Variants in ANKIB1 observed in about 807,000 individuals in gnomAD.
The protein encoded by ANKIB1 is ankyrin repeat and IBR domain-containing protein 1.
Under a neutral mutation model 122.1 loss-of-function variants are expected in ANKIB1, and 43 were observed. The ratio of observed to expected loss-of-function variants is 0.35; its 90% CI spans 0.28 to 0.45. ANKIB1 has a LOEUF of 0.45. Ranked by LOEUF, ANKIB1 falls within the 20% of genes least tolerant of loss-of-function variation. The probability of loss-of-function intolerance (pLI) is 1.00; values close to 1 mark genes in which losing one functional copy is unlikely to be tolerated. For missense variants in ANKIB1, 992 were observed against 1,329.5 expected, an observed-to-expected ratio of 0.75 and a Z score of 3.95; for synonymous variants, 390 against 442.0, an observed-to-expected ratio of 0.88 and a Z score of 1.48.
intron 4 of ANKIB1, chr7:92,325,892 TTTTAA>T: frequency 2.3e-6 from 1 of 436,560 alleles, no homozygotes; most frequent in Non-Finnish European, 4.6e-6. Context: ...TCACGTTTCT[TTTTAA>T]TTTAGTTTTC....
At chr7:92,262,795 A>T (rs1176956782) in intron 1 of ANKIB1, among the ~76,000 whole-genome samples, 1 of 152,136 alleles carries the variant, frequency 6.6e-6, no homozygotes, top group African/African-American at 2.4e-5. Flanking sequence ...TTAGAAACAG[A>T]TACAGCTGTG....
At chr7:92,264,894 G>A (rs1022606426) in intron 1 of ANKIB1, among the ~76,000 whole-genome samples, 1 of 152,162 alleles carries the variant, frequency 6.6e-6, no homozygotes, top group Non-Finnish European at 1.5e-5. Flanking sequence ...GGGATACATA[G>A]ATTCAGTGAT....
intron 9 of ANKIB1, among the ~76,000 whole-genome samples, chr7:92,356,457 TTGGCA>T (rs1407159090): frequency 2.0e-5 from 3 of 152,180 alleles, no homozygotes; most frequent in African/African-American, 7.2e-5. Context: ...TACTACTTAT[TTGGCA>T]GTTCAATCAT....
intron 1 of ANKIB1, among the ~76,000 whole-genome samples, chr7:92,258,257 A>G (rs1801488342): frequency 6.6e-6 from 1 of 152,218 alleles, no homozygotes; most frequent in Non-Finnish European, 1.5e-5. Context: ...GCAAGAGAAA[A>G]TGAAAAATAA....
At chr7:92,360,036 G>A (rs1803908326) in intron 9 of ANKIB1, among the ~76,000 whole-genome samples, 1 of 152,132 alleles carries the variant, frequency 6.6e-6, no homozygotes, top group South Asian at 2.1e-4. Context: ...AGTCAGGAGT[G>A]TAAGGAAAGT....
intron 3 of ANKIB1, among the ~76,000 whole-genome samples, chr7:92,314,394 T>G (rs150677645): frequency 6.6e-6 from 1 of 152,282 alleles, no homozygotes; most frequent in East Asian, 1.9e-4. Context: ...ACAATAGATT[T>G]GAATGGGGTA....
intron 4 of ANKIB1, among the ~76,000 whole-genome samples, chr7:92,326,356 G>A (rs1212512169): frequency 6.6e-6 from 1 of 152,044 alleles, no homozygotes; most frequent in African/African-American, 2.4e-5. Context: ...TCATTCTCTC[G>A]ATAACACTAA....
chr7:92,394,551 A>G (rs1804847846), intron 17 of ANKIB1, among the ~76,000 whole-genome samples: 1 of 152,222 alleles, frequency 6.6e-6, no homozygotes. Context: ...ATGGTCAGTA[A>G]TAGTTTAATT....
intron 16 of ANKIB1, 54 bp from the exon 17 acceptor site, chr7:92,392,187 A>G (rs1804800099): frequency 2.7e-6 from 4 of 1,479,556 alleles, no homozygotes; most frequent in Non-Finnish European, 3.7e-6. Context: ...ATCTGATTGT[A>G]TATACTTTGT....
chr7:92,246,223 G>T lies in ANKIB1; in HGVS notation c.-387G>T. ...CCACCGCCCCCTCTTCCCCTCCCCCGAGTGAGGCGGCGCAGCGGCCGGAGA... is the reference window on the plus strand; with the variant it reads ...CCACCGCCCCCTCTTCCCCTCCCCCTAGTGAGGCGGCGCAGCGGCCGGAGA... On this transcript the variant is annotated 5_prime_UTR_variant, in exon 1 of 20. Coordinates refer to ENST00000265742, the MANE Select transcript of ANKIB1 (RefSeq NM_019004.2). The T allele has an allele frequency of 2.7e-6, 1 of 376,240 alleles. No homozygotes were observed. The highest frequency in any genetic ancestry group is 5.0e-6 in the Non-Finnish European group (1 of 198,228). 23.3% of individuals were successfully genotyped at this position (376,240 alleles called of 1,614,324 possible).
intron 1 of ANKIB1, among the ~76,000 whole-genome samples, chr7:92,291,307 AAG>A (rs1178925437): frequency 1.3e-5 from 2 of 152,040 alleles, no homozygotes; most frequent in Admixed American, 6.5e-5. Flanking sequence ...AAAAAAAAAA[AAG>A]AGTATAATTG....
At chr7:92,385,774 T>C (rs2115691818) in intron 11 of ANKIB1, among the ~76,000 whole-genome samples, 1 of 152,212 alleles carries the variant, frequency 6.6e-6, no homozygotes. Context: ...GAGAAATACC[T>C]AATGTAAATG....
At chr7:92,253,113 A>G (rs1307728429) in intron 1 of ANKIB1, among the ~76,000 whole-genome samples, 1 of 152,198 alleles carries the variant, frequency 6.6e-6, no homozygotes, top group East Asian at 1.9e-4. Context: ...GTGTGTACAT[A>G]TTACAGAATC....
chr7:92,342,045 A>G (rs914118604), intron 5 of ANKIB1, among the ~76,000 whole-genome samples: 2 of 151,792 alleles, frequency 1.3e-5, no homozygotes, highest in Non-Finnish European at 2.9e-5. Flanking sequence ...CATCGGCTTA[A>G]TATAGTTGAA....
intron 5 of ANKIB1, among the ~76,000 whole-genome samples, chr7:92,336,931 A>T (rs1028951540): frequency 1.3e-5 from 2 of 152,108 alleles, no homozygotes; most frequent in Non-Finnish European, 2.9e-5. Flanking sequence ...GATAGTAGCT[A>T]CTTTACCTTT....
At position 92,285,039 on chromosome 7, in the gene ANKIB1, A is replaced by G. The variant is rs1585087972; in HGVS notation, c.-90-9850A>G. ...TGGAGGTTTTATGAGTGGAGGTTTT[A>G]TGGTTAAATCTTGGAGTAGAGGCTA... On this transcript the variant is annotated intron_variant, in intron 1 of 19. Coordinates refer to ENST00000265742, the MANE Select transcript of ANKIB1 (RefSeq NM_019004.2). 2.0e-5 allele frequency among the ~76,000 whole-genome samples: 3 copies of G among 152,290 alleles called. No homozygotes were observed. The East Asian group carries it at 5.8e-4, about 29-fold the overall frequency.
Position 92,399,126 on chromosome 7 carries a change from G to C in ANKIB1, c.*177G>C, listed in dbSNP as rs1329419484. ...CTTCATTTTTTATTTTAACCTTACA[G>C]GGAATTTCCTTTGTACTTAATTGAA... On this transcript the variant is annotated 3_prime_UTR_variant, in exon 20 of 20. Transcript: ENST00000265742. 1 of 612,488 alleles carries C rather than the reference G, an allele frequency of 1.6e-6. No homozygotes were observed. Among genetic ancestry groups the C allele is most frequent in the African/African-American group, 1.9e-5 (1 of 52,382 alleles). 37.9% of individuals were successfully genotyped at this position (612,488 alleles called of 1,614,324 possible). A position where few individuals can be genotyped will look rare whatever the true frequency, so the allele number is the denominator to read the frequency against.
intron 1 of ANKIB1, among the ~76,000 whole-genome samples, chr7:92,262,796 T>C (rs1801591925): frequency 6.6e-6 from 1 of 152,168 alleles, no homozygotes; most frequent in Non-Finnish European, 1.5e-5. Context: ...TAGAAACAGA[T>C]ACAGCTGTGT....
At chr7:92,396,160 T>A in intron 17 of ANKIB1, 1 of 547,290 alleles carries the variant, frequency 1.8e-6, no homozygotes, top group Admixed American at 3.3e-5. Context: ...TCTAGGCAAT[T>A]GTAATGACTG....
Sources: gnomAD v4.1 joint callset for allele counts (sites outside exome capture counted in the v4.1 genomes callset) on GRCh38, gnomAD v4.1.1 for gene constraint, MANE v1.5 for transcripts, NCBI Gene and HGNC (gene_info 2026-07-23, HGNC 2026-07-21) for gene names.